Variants in TCF3 observed in about 807,000 individuals in gnomAD.
TCF3 encodes transcription factor E2-alpha.
TCF3 carries 54 observed loss-of-function variants against 72.3 expected under a neutral mutation model. The ratio of observed to expected loss-of-function variants is 0.75; its 90% CI spans 0.60 to 0.94. The LOEUF is 0.94. TCF3 is among the 40% of genes least tolerant of loss of function. The pLI is 0.00. For missense variants in TCF3, 1,078 were observed against 934.4 expected (o/e 1.15, Z -2.00); for synonymous variants, 525 against 412.6 (o/e 1.27, Z -3.30).
chr19:1,626,093 C>T (rs764469771), intron 6 of TCF3, among the ~76,000 whole-genome samples: 4 of 152,178 alleles, frequency 2.6e-5, no homozygotes, highest in Non-Finnish European at 4.4e-5. Context: ...TAGTGTGAAA[C>T]GGGCTTTCTT....
chr19:1,648,214 G>A (rs1246127268), intron 2 of TCF3, among the ~76,000 whole-genome samples: 1 of 152,222 alleles, frequency 6.6e-6, no homozygotes. Flanking sequence ...GGAAGTAAGT[G>A]CTTCCCCTAG....
intron 18 of TCF3, among the ~76,000 whole-genome samples, chr19:1,613,261 G>A (rs1052840906): frequency 1.3e-5 from 2 of 152,168 alleles, no homozygotes; most frequent in African/African-American, 4.8e-5. Context: ...GTGTGTACGC[G>A]ACTGGCTGCC....
chr19:1,651,450 T>C (rs1053447561), intron 1 of TCF3: 1 of 224,740 alleles, frequency 4.4e-6, no homozygotes, highest in Non-Finnish European at 8.9e-6. Flanking sequence ...TGAAACTGAC[T>C]TTTTTTGAGG....
intron 5 of TCF3, among the ~76,000 whole-genome samples, chr19:1,631,273 CTTTTT>C (rs35041312): frequency 1.4e-5 from 2 of 144,836 alleles, no homozygotes; most frequent in East Asian, 4.0e-4. Flanking sequence ...AGTCTTCATT[CTTTTT>C]TTTTTTTTAA....
chr19:1,626,400 A>T (rs1043462164), intron 6 of TCF3, among the ~76,000 whole-genome samples: 3 of 152,070 alleles, frequency 2.0e-5, no homozygotes, highest in African/African-American at 7.2e-5. Flanking sequence ...CGGTGAGCCA[A>T]GATTGCGCCA....
chr19:1,645,821 G>T (rs1046327832), intron 3 of TCF3, among the ~76,000 whole-genome samples: 2 of 152,162 alleles, frequency 1.3e-5, no homozygotes, highest in Non-Finnish European at 2.9e-5. Flanking sequence ...TCAAAGCCGC[G>T]GGTCCCAGGA....
chr19:1,641,099 T>C (rs1426423237), intron 3 of TCF3, among the ~76,000 whole-genome samples: 1 of 146,802 alleles, frequency 6.8e-6, no homozygotes, highest in Non-Finnish European at 1.5e-5. Context: ...GAGGCGGAGG[T>C]TGCAGTGAGC....
rs2060969202 is a variant in TCF3, at chr19:1,611,348, G to A, written c.*359C>T. 3 of 397,148 alleles carry A rather than the reference G, an allele frequency of 7.6e-6. No individual in the cohort carries two copies. The highest frequency in any genetic ancestry group is 4.3e-5 in the Admixed American group (1 of 23,286). 24.6% of individuals were successfully genotyped at this position (397,148 alleles called of 1,614,324 possible). On this transcript the variant is annotated 3_prime_UTR_variant, in exon 19 of 19. Coordinates refer to ENST00000262965, the MANE Select transcript of TCF3 (RefSeq NM_003200.5). Reference sequence around the variant, plus strand: ...TCTCTGACAAAGTGTATGTTTTGTTGCTTGCTTTCAGGTTTTGTTTACTGG... The same window carrying A: ...TCTCTGACAAAGTGTATGTTTTGTTACTTGCTTTCAGGTTTTGTTTACTGG...
rs1344611965 is a variant in TCF3, at chr19:1,609,812, TG to T, written c.*1894del. 2.6e-5 allele frequency: 6 copies of T among 231,268 alleles called. No individual in the cohort carries two copies. The highest frequency in any genetic ancestry group is 5.6e-5 in the Admixed American group (1 of 17,706). The allele number at this position is 231,268 out of a possible 1,614,324, so 14.3% of individuals were successfully genotyped here. On this transcript the variant is annotated 3_prime_UTR_variant, in exon 19 of 19. Transcript: ENST00000262965. ...TGGGGCCCAGGCTCCCAAGCCAGTC[TG>T]GGGAGGGGAGTCAGGCAGTCCAGGA...
rs773006538 is a variant in TCF3 at position 1,619,404 on chromosome 19, C to T, written c.1238G>A (p.Gly413Asp). ...GCCAGGCAGCAGCGTGTGCATGTCGCCGGCTGTGCCCACGGCGTGGCTGCG... is the reference window on the plus strand; with the variant it reads ...GCCAGGCAGCAGCGTGTGCATGTCGTCGGCTGTGCCCACGGCGTGGCTGCG... Reference protein sequence around the residue: ...VLRSHAVGTAGDMHTLLPGHG... With the variant: ...VLRSHAVGTADDMHTLLPGHG... The change falls in exon 15 of 19, where the codon GGC becomes GAC. Residue 413 changes from glycine (G) to aspartate (D), a missense_variant. By Grantham distance (94) the Gly-to-Asp change is moderately conservative. Transcript: ENST00000262965. 3 of 1,592,982 alleles carry T rather than the reference C, an allele frequency of 1.9e-6. No homozygotes were observed. Among genetic ancestry groups the T allele is most frequent in the South Asian group, 2.2e-5 (2 of 90,748 alleles).
intron 6 of TCF3, among the ~76,000 whole-genome samples, chr19:1,625,958 A>AGGG (rs2062829219): frequency 6.6e-6 from 1 of 152,162 alleles, no homozygotes; most frequent in African/African-American, 2.4e-5. Context: ...GGCCAACCCA[A>AGGG]GGGGCTGCTC....
chr19:1,641,337 C>T (rs1236691764), intron 3 of TCF3, among the ~76,000 whole-genome samples: 2 of 152,072 alleles, frequency 1.3e-5, no homozygotes, highest in Non-Finnish European at 2.9e-5. Flanking sequence ...AAAAATTGGG[C>T]TGGGCACAGT....
At chr19:1,642,424 C>A (rs1026011446) in intron 3 of TCF3, among the ~76,000 whole-genome samples, 1 of 152,170 alleles carries the variant, frequency 6.6e-6, no homozygotes, top group Admixed American at 6.5e-5. Context: ...GTGGGCGGGA[C>A]GGTACCCCTG....
At chr19:1,638,460 T>A (rs1284419070) in intron 3 of TCF3, among the ~76,000 whole-genome samples, 1 of 152,224 alleles carries the variant, frequency 6.6e-6, no homozygotes, top group African/African-American at 2.4e-5. Context: ...TTTTTTTGTA[T>A]TTTTAACAGA....
chr19:1,641,916 A>T (rs2065299916), intron 3 of TCF3, among the ~76,000 whole-genome samples: 1 of 151,936 alleles, frequency 6.6e-6, no homozygotes, highest in Non-Finnish European at 1.5e-5. Context: ...ATATTTTTTT[A>T]ATTAGGTGGT....
At chr19:1,611,935 G>GT (rs889856463) in intron 18 of TCF3, 86 bp from the exon 19 acceptor site, 4 of 218,952 alleles carry the variant, frequency 1.8e-5, no homozygotes, top group Admixed American at 6.4e-5. Context: ...GATGTCGGGG[G>GT]GGGGGGTGGG....
At chr19:1,638,330 C>G (rs1039657724) in intron 3 of TCF3, among the ~76,000 whole-genome samples, 5 of 152,198 alleles carry the variant, frequency 3.3e-5, no homozygotes, top group Non-Finnish European at 7.3e-5. Context: ...TAGTAAGATG[C>G]AAATACACAA....
At chr19:1,640,144 T>TTG (rs2065030418) in intron 3 of TCF3, among the ~76,000 whole-genome samples, 1 of 152,056 alleles carries the variant, frequency 6.6e-6, no homozygotes, top group Non-Finnish European at 1.5e-5. Flanking sequence ...CTCCAAACGT[T>TTG]ATCAAAGAGC....
chr19:1,646,326 C>A, intron 3 of TCF3, 29 bp downstream of exon 3: 2 of 1,548,574 alleles, frequency 1.3e-6, no homozygotes, highest in Non-Finnish European at 1.7e-6. Flanking sequence ...CCTCACTCCA[C>A]GAGCGCTGGC....
Sources: allele counts gnomAD v4.1 joint callset (sites outside exome capture counted in the v4.1 genomes callset), GRCh38; gene constraint gnomAD v4.1.1; transcripts MANE v1.5; gene names NCBI Gene and HGNC (gene_info 2026-07-23, HGNC 2026-07-21).